CSMD3: variants seen among roughly 807,000 people sequenced by gnomAD.
CSMD3 encodes CUB and sushi domain-containing protein 3.
In CSMD3, 177 loss-of-function variants were observed where a neutral mutation model predicts 435.2. The ratio of observed to expected loss-of-function variants is 0.41; its 90% CI spans 0.36 to 0.46. The LOEUF is 0.46. CSMD3 is among the 20% of genes least tolerant of loss of function. CSMD3 has a pLI of 0.34. For synonymous variants in CSMD3, 1,656 were observed against 1,520.5 expected (o/e 1.09, Z -2.07); for missense variants, 4,265 against 4,504.6 (o/e 0.95, Z 1.52).
chr8:112,734,420 A>G (rs1349393365), intron 13 of CSMD3, among the ~76,000 whole-genome samples: 1 of 151,922 alleles, frequency 6.6e-6, no homozygotes, highest in Non-Finnish European at 1.5e-5. Flanking sequence ...AGAAGGTTAC[A>G]AAAAAATTTT....
At chr8:112,585,401 C>T (rs1830645542) in intron 23 of CSMD3, among the ~76,000 whole-genome samples, 1 of 145,412 alleles carries the variant, frequency 6.9e-6, no homozygotes, top group Non-Finnish European at 1.5e-5. Context: ...AAGGGCCTTA[C>T]ATTGAGTCTT....
rs193080224 is a variant in CSMD3 at position 112,477,968 on chromosome 8, G to A, written c.5279-5261C>T. Among the ~76,000 whole-genome samples the A allele has an allele frequency of 2.2e-3, 332 of 152,194 alleles. 2 individuals are homozygous for A. Among genetic ancestry groups the A allele is most frequent in the African/African-American group, 7.7e-3 (318 of 41,526 alleles). ...TGAATCATGGGGTCAAGGCTTTCCC[G>A]TGCTGTTCTTGTGATAGGGAATAAG... On this transcript the variant is annotated intron_variant, in intron 31 of 70. Transcript: ENST00000297405.
intron 2 of CSMD3, among the ~76,000 whole-genome samples, chr8:113,283,809 T>C (rs2093628101): frequency 6.6e-6 from 1 of 152,086 alleles, no homozygotes; most frequent in Non-Finnish European, 1.5e-5. Context: ...TTCACAATTG[T>C]AAAATCATGG....
chr8:112,563,175 T>A (rs528797376), intron 24 of CSMD3, among the ~76,000 whole-genome samples: 38 of 151,886 alleles, frequency 2.5e-4, no homozygotes, highest in Non-Finnish European at 5.0e-4. Context: ...AGAGTTATAC[T>A]CTTTTTCTCA....
At chr8:113,365,162 G>A (rs2094303303) in intron 1 of CSMD3, among the ~76,000 whole-genome samples, 1 of 152,014 alleles carries the variant, frequency 6.6e-6, no homozygotes. Context: ...ATGGAAATTA[G>A]AGTGAAGGTA....
At chr8:113,299,203 CAT>C (rs2093744924) in intron 2 of CSMD3, among the ~76,000 whole-genome samples, 1 of 152,090 alleles carries the variant, frequency 6.6e-6, no homozygotes, top group Admixed American at 6.6e-5. Flanking sequence ...AGAGATTACT[CAT>C]GGGTTTGTTC....
intron 25 of CSMD3, 77 bp from the exon 26 acceptor site, chr8:112,552,797 T>C: frequency 2.3e-6 from 3 of 1,314,400 alleles, no homozygotes; most frequent in Non-Finnish European, 3.2e-6. Context: ...TTCTCATGAG[T>C]AGACAAAAGA....
intron 5 of CSMD3, among the ~76,000 whole-genome samples, chr8:113,084,810 A>T (rs2089699020): frequency 6.6e-6 from 1 of 152,024 alleles, no homozygotes. Context: ...ATAGATACAC[A>T]TATTTACAGC....
intron 13 of CSMD3, among the ~76,000 whole-genome samples, chr8:112,745,475 T>C (rs2077406122): frequency 1.3e-5 from 2 of 152,216 alleles, no homozygotes; most frequent in East Asian, 1.9e-4. Flanking sequence ...TACTGTACAA[T>C]TTACTTATAA....
At chr8:112,719,507 A>G (rs752763967) in intron 13 of CSMD3, among the ~76,000 whole-genome samples, 1 of 152,102 alleles carries the variant, frequency 6.6e-6, no homozygotes, top group Non-Finnish European at 1.5e-5. Context: ...TTTCTAGCTC[A>G]CAGTTGGCTG....
intron 27 of CSMD3, among the ~76,000 whole-genome samples, chr8:112,538,713 A>C (rs1396114018): frequency 6.6e-6 from 1 of 152,150 alleles, no homozygotes; most frequent in Non-Finnish European, 1.5e-5. Flanking sequence ...AAAAATGGAA[A>C]GACATTTAAG....
At chr8:113,428,184 T>G (rs927014037) in intron 1 of CSMD3, among the ~76,000 whole-genome samples, 1 of 151,290 alleles carries the variant, frequency 6.6e-6, no homozygotes, top group African/African-American at 2.4e-5. Context: ...AATTAAGTTA[T>G]GTGTTACTCC....
intron 3 of CSMD3, among the ~76,000 whole-genome samples, chr8:113,220,747 C>T (rs536792260): frequency 6.1e-4 from 92 of 151,228 alleles, no homozygotes; most frequent in Admixed American, 1.7e-3. Flanking sequence ...TTTTAGCAGA[C>T]AGTTTATTAA....
Position 112,335,404 on chromosome 8 carries a change from T to C in CSMD3, c.7090A>G (p.Ser2364Gly), listed in dbSNP as rs750807516. 29 of 1,613,884 alleles carry C rather than the reference T, an allele frequency of 1.8e-5. No homozygotes were observed. The highest frequency in any genetic ancestry group is 2.4e-5 in the Non-Finnish European group (28 of 1,179,906). Residue 2364 changes from serine to glycine, a missense_variant, in exon 45 of 71, where the codon AGT (serine) becomes GGT (glycine). Ser to Gly is a moderately conservative substitution (Grantham distance 56, BLOSUM62 0). Transcript: ENST00000297405. The part of the protein sequence containing the change: ...SGNTALESVY[S>G]TSNQILIKFH... ...TTGATTAGAATCTGATTTGAAGTAC[T>C]GTAGACTGATTCCAAAGCGGTATTG...
At chr8:112,420,889 G>A (rs1812421767) in intron 32 of CSMD3, among the ~76,000 whole-genome samples, 1 of 152,056 alleles carries the variant, frequency 6.6e-6, no homozygotes, top group Non-Finnish European at 1.5e-5. Flanking sequence ...CCAGATTCAA[G>A]CTCTTGCTTT....
chr8:112,529,840 C>T (rs994145387), intron 27 of CSMD3, among the ~76,000 whole-genome samples: 2 of 151,886 alleles, frequency 1.3e-5, no homozygotes, highest in Non-Finnish European at 2.9e-5. Context: ...CAGACAGCAG[C>T]CTTAATAAAA....
intron 4 of CSMD3, among the ~76,000 whole-genome samples, chr8:113,114,152 G>A (rs1038877396): frequency 6.6e-6 from 1 of 152,082 alleles, no homozygotes; most frequent in Non-Finnish European, 1.5e-5. Context: ...GACAAAAAAA[G>A]ATATCTAAAG....
chr8:112,297,781 T>C (rs1037704243), intron 53 of CSMD3, among the ~76,000 whole-genome samples: 9 of 152,070 alleles, frequency 5.9e-5, no homozygotes, highest in Admixed American at 5.2e-4. Context: ...TTTTGAATAA[T>C]TGTATTTTAT....
intron 38 of CSMD3, among the ~76,000 whole-genome samples, chr8:112,358,542 G>C (rs1220338306): frequency 6.6e-6 from 1 of 152,150 alleles, no homozygotes; most frequent in African/African-American, 2.4e-5. Flanking sequence ...CATGGAGCAA[G>C]TCTTTCCCAT....
Sources: allele counts gnomAD v4.1 joint callset (sites outside exome capture counted in the v4.1 genomes callset), GRCh38; gene constraint gnomAD v4.1.1; transcripts MANE v1.5; gene names NCBI Gene and HGNC (gene_info 2026-07-23, HGNC 2026-07-21).